The following BRINP3 variants were observed in gnomAD, a reference collection of about 807,000 sequenced individuals.
BRINP3 encodes the protein BMP/retinoic acid-inducible neural-specific protein 3.
In BRINP3, 19 loss-of-function variants were observed where a neutral mutation model predicts 71.0. The observed-to-expected ratio is 0.27, with a 90% CI of 0.19 to 0.39. The LOEUF (loss-of-function observed/expected upper bound fraction) is 0.39, where lower values mean the gene tolerates loss of function less well. BRINP3 is among the 10% of genes least tolerant of loss of function. BRINP3 has a pLI of 1.00. For synonymous variants in BRINP3, 380 were observed against 337.7 expected (o/e 1.13, Z -1.37); for missense variants, 959 against 940.8 (o/e 1.02, Z -0.25).
chr1:190,362,856 T>C (rs1669237379), intron 2 of BRINP3, among the ~76,000 whole-genome samples: 1 of 152,168 alleles, frequency 6.6e-6, no homozygotes, highest in Admixed American at 6.5e-5. Context: ...TAAATCTCTT[T>C]TTATTTATAA....
intron 7 of BRINP3, among the ~76,000 whole-genome samples, chr1:190,143,809 C>T (rs997092614): frequency 6.6e-6 from 1 of 152,156 alleles, no homozygotes; most frequent in African/African-American, 2.4e-5. Flanking sequence ...AGGTAACATC[C>T]CTTTATCAAA....
chr1:190,461,740 A>T (rs574618681), intron 1 of BRINP3, among the ~76,000 whole-genome samples: 198 of 152,288 alleles, frequency 1.3e-3, no homozygotes, highest in Non-Finnish European at 1.8e-3. Flanking sequence ...CTTCATGGAA[A>T]TAGAATCTAC....
intron 4 of BRINP3, among the ~76,000 whole-genome samples, chr1:190,252,774 TTTATTATTATTA>T (rs368050022): frequency 6.6e-6 from 1 of 150,808 alleles, no homozygotes; most frequent in Admixed American, 6.6e-5. Context: ...CAGATGCTAG[TTTATTATTATTA>T]TTATTATTAT....
intron 3 of BRINP3, among the ~76,000 whole-genome samples, chr1:190,277,978 T>G (rs1662734797): frequency 6.6e-6 from 1 of 151,740 alleles, no homozygotes. Flanking sequence ...ATAATTTATT[T>G]TTCTCTATAG....
Position 190,098,241 on chromosome 1 carries a change from T to C in BRINP3, c.2078A>G (p.Gln693Arg). The stretch of plus-strand genomic sequence containing the variant: ...CAAAAGTGCTGAATCCTGGGATCCC[T>C]GAGTATAGGGGTAGTCCAGCTGCAA... The part of the protein sequence containing the change: ...LILQLDYPYT[Q>R]GSQDSALLQL... Residue 693 changes from glutamine (Q) to arginine (R), a missense_variant, in exon 8 of 8, where the codon CAG becomes CGG. By Grantham distance (43) the Gln-to-Arg change is conservative. Coordinates refer to ENST00000367462, the MANE Select transcript of BRINP3 (RefSeq NM_199051.3). The C allele has an allele frequency of 3.7e-6, 6 of 1,614,108 alleles. No homozygotes were observed. The highest frequency in any genetic ancestry group is 5.1e-6 in the Non-Finnish European group (6 of 1,180,018).
chr1:190,258,816 G>T (rs2102850439), intron 4 of BRINP3, among the ~76,000 whole-genome samples: 1 of 152,254 alleles, frequency 6.6e-6, no homozygotes, highest in East Asian at 1.9e-4. Flanking sequence ...AGTGATAAAT[G>T]TTTGGAGGAG....
At chr1:190,314,344 A>G (rs1665739025) in intron 2 of BRINP3, among the ~76,000 whole-genome samples, 1 of 152,098 alleles carries the variant, frequency 6.6e-6, no homozygotes, top group Non-Finnish European at 1.5e-5. Flanking sequence ...CCTACTCCTT[A>G]GAATCCATGA....
At chr1:190,239,099 C>T (rs184542663) in intron 4 of BRINP3, among the ~76,000 whole-genome samples, 4 of 152,170 alleles carry the variant, frequency 2.6e-5, no homozygotes, top group Admixed American at 2.6e-4. Context: ...CTCCTGAGAA[C>T]TTACTATCAC....
chr1:190,113,898 A>C (rs1652901528), intron 7 of BRINP3, among the ~76,000 whole-genome samples: 2 of 152,176 alleles, frequency 1.3e-5, no homozygotes, highest in African/African-American at 4.8e-5. Context: ...ACTAGGTTTT[A>C]CCAGAATATC....
intron 1 of BRINP3, among the ~76,000 whole-genome samples, chr1:190,475,537 G>T (rs1179324351): frequency 1.3e-5 from 2 of 152,144 alleles, no homozygotes; most frequent in Admixed American, 6.5e-5. Context: ...TTTCCTACAC[G>T]CATGGGTTAT....
chr1:190,332,131 A>G (rs1283285965), intron 2 of BRINP3, among the ~76,000 whole-genome samples: 1 of 152,032 alleles, frequency 6.6e-6, no homozygotes, highest in East Asian at 1.9e-4. Context: ...TTTGTTCACA[A>G]ATTAAATACT....
chr1:190,236,452 A>C (rs545438537), intron 4 of BRINP3, among the ~76,000 whole-genome samples: 3 of 152,128 alleles, frequency 2.0e-5, no homozygotes, highest in African/African-American at 4.8e-5. Flanking sequence ...GGATACAGAC[A>C]CATTAACTCA....
intron 3 of BRINP3, among the ~76,000 whole-genome samples, chr1:190,274,057 A>G (rs1404513706): frequency 6.6e-6 from 1 of 151,548 alleles, no homozygotes; most frequent in Non-Finnish European, 1.5e-5. Context: ...GATATAATGC[A>G]AGTTTGGACA....
chr1:190,258,106 G>C (rs936142692), intron 4 of BRINP3, among the ~76,000 whole-genome samples: 1 of 152,200 alleles, frequency 6.6e-6, no homozygotes, highest in African/African-American at 2.4e-5. Context: ...GTCTACAGAG[G>C]CAGTAGGCCA....
Position 190,320,809 on chromosome 1 carries a change from A to G in BRINP3, c.237-39059T>C, listed in dbSNP as rs1666187132. Among the ~76,000 whole-genome samples the G allele has an allele frequency of 2.0e-5, 3 of 152,192 alleles. No homozygotes were observed. The South Asian group carries it at 6.2e-4, about 32-fold the overall frequency. On this transcript the variant is annotated intron_variant, in intron 2 of 7. Coordinates refer to ENST00000367462, the MANE Select transcript of BRINP3 (RefSeq NM_199051.3). ...AACCCATGCAGATATGAGCATGTAC[A>G]TACATGCTCATGATATGAGAACGTA...
intron 2 of BRINP3, among the ~76,000 whole-genome samples, chr1:190,371,761 G>T (rs968517103): frequency 1.3e-5 from 2 of 152,132 alleles, no homozygotes; most frequent in Non-Finnish European, 2.9e-5. Flanking sequence ...ATGTTGAGTA[G>T]TATGGATATT....
intron 2 of BRINP3, among the ~76,000 whole-genome samples, chr1:190,307,117 T>C (rs1190829970): frequency 6.6e-6 from 1 of 151,864 alleles, no homozygotes; most frequent in Non-Finnish European, 1.5e-5. Context: ...AAATCCTAGT[T>C]GGGATTGGTT....
In BRINP3 at chr1:190,422,758, AACTAGAGT is replaced by A. The variant is rs1389645138; in HGVS notation, c.236+31889_236+31896del. On this transcript the variant is annotated intron_variant, in intron 2 of 7. Coordinates refer to ENST00000367462, the MANE Select transcript of BRINP3 (RefSeq NM_199051.3). ...ATTTAAAGTCTAAACCTCATTCGAA[AACTAGAGT>A]ATTTGAATATTTTTAGATTTAAGCA... Among the ~76,000 whole-genome samples the A allele has an allele frequency of 9.9e-5, 15 of 151,846 alleles. No homozygotes were observed. In the Admixed American group the frequency reaches 9.9e-4, roughly 10 times the overall value.
chr1:190,129,955 C>T (rs1171527333), intron 7 of BRINP3, among the ~76,000 whole-genome samples: 1 of 151,954 alleles, frequency 6.6e-6, no homozygotes. Context: ...TGGAGTCTGA[C>T]TTTCTGAATA....
Sources: allele counts gnomAD v4.1 joint callset (sites outside exome capture counted in the v4.1 genomes callset), GRCh38; gene constraint gnomAD v4.1.1; transcripts MANE v1.5; gene names NCBI Gene and HGNC (gene_info 2026-07-23, HGNC 2026-07-21).